Variants in RANBP2 observed in about 807,000 individuals in gnomAD.
RANBP2 encodes the protein E3 SUMO-protein ligase RanBP2.
RANBP2 carries 57 observed loss-of-function variants against 303.6 expected under a neutral mutation model. The observed-to-expected ratio is 0.19, with a 90% CI of 0.15 to 0.23. The LOEUF (loss-of-function observed/expected upper bound fraction) is 0.23, where lower values mean the gene tolerates loss of function less well. RANBP2 is among the 10% of genes least tolerant of loss of function. RANBP2 has a pLI of 1.00. For synonymous variants in RANBP2, 1,167 were observed against 1,301.5 expected (o/e 0.90, Z 2.23); for missense variants, 3,138 against 3,780.8 (o/e 0.83, Z 4.46).
At position 108,763,384 on chromosome 2, in the gene RANBP2, C is replaced by G. The variant is rs1676878393; in HGVS notation, c.2845C>G (p.Pro949Ala). Reference protein sequence around the residue: ...YGPPALRFESPATGILSPRGD... With the variant: ...YGPPALRFESAATGILSPRGD... ...TCCTCCTGCATTGCGTTTTGAGTCT[C>G]CTGCAACGGGAATTCTATCGCCCAG... Residue 949 changes from proline (P) to alanine (A), a missense_variant, in exon 20 of 29, where the codon CCT becomes GCT. Pro to Ala is a conservative substitution (Grantham distance 27, BLOSUM62 -1). Transcript: ENST00000283195. 4.3e-6 allele frequency: 7 copies of G among 1,613,936 alleles called. No homozygotes were observed. Among genetic ancestry groups the G allele is most frequent in the Non-Finnish European group, 5.9e-6 (7 of 1,179,962 alleles).
At chr2:109,283,298 A>G in the RANBP2 span, among the ~76,000 whole-genome samples, 111,942 of 152,086 alleles carry the variant, frequency 0.74, 41,895 homozygotes, top group East Asian at 0.9. Context: ...CCCACTCCCC[A>G]CTTGTGGGCC....
At chr2:109,615,605 C>T in the RANBP2 span, 15 of 1,613,592 alleles carry the variant, frequency 9.3e-6, no homozygotes, top group South Asian at 6.6e-5. Context: ...ACATCAGGGA[C>T]TACAGTGGGA....
At chr2:109,483,870 G>A in the RANBP2 span, among the ~76,000 whole-genome samples, 3 of 151,998 alleles carry the variant, frequency 2.0e-5, no homozygotes, top group African/African-American at 7.2e-5. Context: ...TGCTTAGCTG[G>A]CTTGGCTCCT....
At chr2:109,704,531 C>CA in the RANBP2 span, among the ~76,000 whole-genome samples, 16 of 149,914 alleles carry the variant, frequency 1.1e-4, no homozygotes, top group South Asian at 2.1e-4. Flanking sequence ...GACCCTGTCT[C>CA]AAAAAAATAA....
chr2:109,568,881 T>C, the RANBP2 span, among the ~76,000 whole-genome samples: 3 of 152,158 alleles, frequency 2.0e-5, no homozygotes, highest in Admixed American at 2.0e-4. Flanking sequence ...AAAGTGTTCA[T>C]GATGCAAAGG....
chr2:108,945,912 T>C, the RANBP2 span, among the ~76,000 whole-genome samples: 1 of 152,208 alleles, frequency 6.6e-6, no homozygotes, highest in Non-Finnish European at 1.5e-5. Flanking sequence ...CATGTTACTT[T>C]GTCATGAAGA....
the RANBP2 span, among the ~76,000 whole-genome samples, chr2:109,205,769 C>T: frequency 6.6e-6 from 1 of 152,118 alleles, no homozygotes; most frequent in African/African-American, 2.4e-5. Context: ...GCAGCCTTCC[C>T]CAGCAGCCTC....
the RANBP2 span, among the ~76,000 whole-genome samples, chr2:109,329,080 G>T: frequency 6.6e-6 from 1 of 152,110 alleles, no homozygotes; most frequent in East Asian, 1.9e-4. Context: ...TTTCTTCTGG[G>T]AATATTTATC....
Position 108,766,788 on chromosome 2 carries a change from G to A in RANBP2, c.6249G>A (p.Val2083=). The change falls in exon 20 of 29, where the codon GTG becomes GTA. Residue 2083 remains valine (V), a synonymous_variant. Transcript: ENST00000283195. ...MLMRREQVLK[V]CANHWITTTM... ...TGCGAAGAGAACAAGTACTAAAAGT[G>A]TGTGCTAATCATTGGATAACGACTA... 1.2e-6 allele frequency: 2 copies of A among 1,612,030 alleles called. No homozygotes were observed. The highest frequency in any genetic ancestry group is 1.7e-6 in the Non-Finnish European group (2 of 1,179,866).
the RANBP2 span, among the ~76,000 whole-genome samples, chr2:109,450,819 G>A: frequency 6.6e-6 from 1 of 152,314 alleles, no homozygotes; most frequent in South Asian, 2.1e-4. Context: ...CTGCCTGAAC[G>A]GTTTAGGGAT....
chr2:109,129,143 TG>T, the RANBP2 span: 1 of 379,198 alleles, frequency 2.6e-6, no homozygotes, highest in Non-Finnish European at 5.1e-6. Flanking sequence ...CCCGGGGACC[TG>T]GCCGGCCGCT....
chr2:109,286,009 G>A, the RANBP2 span, among the ~76,000 whole-genome samples: 1 of 152,214 alleles, frequency 6.6e-6, no homozygotes, highest in Non-Finnish European at 1.5e-5. Context: ...GGACACATCA[G>A]AGGCTGGTGG....
the RANBP2 span, among the ~76,000 whole-genome samples, chr2:109,373,917 C>T: frequency 6.6e-6 from 1 of 152,258 alleles, no homozygotes; most frequent in South Asian, 2.1e-4. Context: ...AGTCCGCAAG[C>T]AGGTGCAGGC....
At chr2:109,038,737 C>T in the RANBP2 span, among the ~76,000 whole-genome samples, 9 of 152,282 alleles carry the variant, frequency 5.9e-5, no homozygotes, top group East Asian at 9.7e-4. Context: ...TGGGTTATAG[C>T]TTAAGACAAT....
At chr2:109,258,226 G>C in the RANBP2 span, among the ~76,000 whole-genome samples, 1 of 152,162 alleles carries the variant, frequency 6.6e-6, no homozygotes, top group Admixed American at 6.5e-5. Flanking sequence ...TTCCAGGAGT[G>C]GGGGACAGCC....
intron 4 of RANBP2, among the ~76,000 whole-genome samples, chr2:108,732,202 A>T (rs970351048): frequency 2.2e-4 from 33 of 152,174 alleles, no homozygotes; most frequent in Admixed American, 1.2e-3. Context: ...AATTTAAAAA[A>T]TTTTAATTTT....
the RANBP2 span, among the ~76,000 whole-genome samples, chr2:109,093,073 G>A: frequency 1.3e-5 from 2 of 152,142 alleles, no homozygotes; most frequent in Non-Finnish European, 2.9e-5. Context: ...CCATCCAGAG[G>A]ACAGCAATTT....
chr2:109,108,585 A>C, the RANBP2 span, among the ~76,000 whole-genome samples: 1 of 152,192 alleles, frequency 6.6e-6, no homozygotes, highest in East Asian at 1.9e-4. Context: ...TGCAGCTGAC[A>C]CACTGCTGCC....
the RANBP2 span, among the ~76,000 whole-genome samples, chr2:108,899,101 A>T: frequency 6.6e-6 from 1 of 152,264 alleles, no homozygotes; most frequent in Non-Finnish European, 1.5e-5. Flanking sequence ...GGATAAACCC[A>T]AATATATTCA....
Sources: allele counts gnomAD v4.1 joint callset (sites outside exome capture counted in the v4.1 genomes callset), GRCh38; gene constraint gnomAD v4.1.1; transcripts MANE v1.5; gene names NCBI Gene and HGNC (gene_info 2026-07-23, HGNC 2026-07-21).